SPAST: variants seen among roughly 807,000 people sequenced by gnomAD.
SPAST encodes spastic paraplegia 4 (autosomal dominant; spastin).
A neutral mutation model predicts 76.6 loss-of-function variants in SPAST; 30 were observed. The ratio of observed to expected loss-of-function variants is 0.39; its 90% CI spans 0.29 to 0.53. The LOEUF is 0.53. SPAST is among the 20% of genes least tolerant of loss of function. SPAST has a pLI of 0.68. For synonymous variants in SPAST, 305 were observed against 281.0 expected, an observed-to-expected ratio of 1.09 and a Z score of -0.86; for missense variants, 717 against 770.5, an observed-to-expected ratio of 0.93 and a Z score of 0.82.
At chr2:32,110,672 AT>A (rs1374939256) in intron 4 of SPAST, among the ~76,000 whole-genome samples, 1 of 138,774 alleles carries the variant, frequency 7.2e-6, no homozygotes, top group Admixed American at 7.6e-5. Context: ...TATATAGTAT[AT>A]ATAGTGTATA....
At chr2:32,118,982 T>A (rs1469425846) in intron 7 of SPAST, among the ~76,000 whole-genome samples, 1 of 152,162 alleles carries the variant, frequency 6.6e-6, no homozygotes, top group Non-Finnish European at 1.5e-5. Flanking sequence ...ATTAAGAAGC[T>A]ATAATAATGT....
chr2:32,069,095 C>A (rs1370715001), intron 1 of SPAST, among the ~76,000 whole-genome samples: 2 of 151,912 alleles, frequency 1.3e-5, no homozygotes, highest in African/African-American at 4.8e-5. Context: ...CGCCTGTAGT[C>A]CCGGGTACTT....
intron 4 of SPAST, among the ~76,000 whole-genome samples, chr2:32,107,003 G>T (rs1678349704): frequency 6.6e-6 from 1 of 151,680 alleles, no homozygotes; most frequent in Admixed American, 6.6e-5. Flanking sequence ...AAATTCTCCA[G>T]CCCTGAAGAG....
intron 1 of SPAST, among the ~76,000 whole-genome samples, chr2:32,065,391 T>A (rs1183268037): frequency 2.6e-5 from 4 of 151,978 alleles, no homozygotes; most frequent in South Asian, 4.1e-4. Context: ...TTTTTCTTTT[T>A]AAAAAAAATA....
At position 32,100,079 on chromosome 2, in the gene SPAST, A is replaced by G. The variant is rs182968026; in HGVS notation, c.682+1188A>G. Among the ~76,000 whole-genome samples the G allele has an allele frequency of 6.2e-3, 938 of 151,744 alleles. 6 individuals are homozygous for G. The highest frequency in any genetic ancestry group is 0.062 in the Middle Eastern group (18 of 292). On this transcript the variant is annotated intron_variant, in intron 4 of 16. Transcript: ENST00000315285. ...TAGTTCTGTTTGTAGTTTTTGAGGA[A>G]CCTCCATACTCTTCTCCATAGTAGC...
intron 9 of SPAST, among the ~76,000 whole-genome samples, chr2:32,134,555 C>T (rs1206700560): frequency 6.6e-6 from 1 of 152,002 alleles, no homozygotes; most frequent in Admixed American, 6.6e-5. Context: ...CCTCCCATTT[C>T]GGCCTCCCAA....
At chr2:32,112,691 T>C (rs1162775156) in intron 4 of SPAST, among the ~76,000 whole-genome samples, 1 of 152,128 alleles carries the variant, frequency 6.6e-6, no homozygotes, top group African/African-American at 2.4e-5. Context: ...TTATTTATAC[T>C]TCCTGATTTT....
intron 16 of SPAST, among the ~76,000 whole-genome samples, chr2:32,151,799 G>T (rs542458944): frequency 6.6e-6 from 1 of 151,946 alleles, no homozygotes; most frequent in East Asian, 1.9e-4. Flanking sequence ...AATCCCAGCT[G>T]CTCGGGAGGC....
At chr2:32,086,437 G>C (rs936497984) in intron 1 of SPAST, among the ~76,000 whole-genome samples, 2 of 151,090 alleles carry the variant, frequency 1.3e-5, no homozygotes, top group African/African-American at 2.4e-5. Flanking sequence ...CTGCACTCTA[G>C]TGTGGGTGAC....
chr2:32,150,239 ATT>A (rs11363493), intron 16 of SPAST, among the ~76,000 whole-genome samples: 701 of 66,588 alleles, frequency 0.011, 6 homozygotes, highest in African/African-American at 0.032. Flanking sequence ...CGCCCAGCTA[ATT>A]TTTTTTTTTT....
intron 4 of SPAST, among the ~76,000 whole-genome samples, chr2:32,107,274 T>A (rs1678360176): frequency 6.6e-6 from 1 of 151,924 alleles, no homozygotes; most frequent in Non-Finnish European, 1.5e-5. Context: ...CCTCTGTCAC[T>A]CAGGCTGGAG....
intron 4 of SPAST, 91 bp from the exon 5 acceptor site, chr2:32,114,546 AT>A (rs1678748486): frequency 1.0e-6 from 1 of 964,376 alleles, no homozygotes; most frequent in South Asian, 1.5e-5. Flanking sequence ...AATTAAAAAA[AT>A]ATATTATTAC....
intron 1 of SPAST, among the ~76,000 whole-genome samples, chr2:32,075,312 G>GC (rs1676907878): frequency 1.3e-5 from 2 of 150,442 alleles, no homozygotes; most frequent in African/African-American, 4.9e-5. Context: ...TGTAATCCCA[G>GC]CTATTTGGGA....
intron 7 of SPAST, among the ~76,000 whole-genome samples, chr2:32,121,731 A>G (rs1301540979): frequency 6.6e-6 from 1 of 150,558 alleles, no homozygotes; most frequent in Non-Finnish European, 1.5e-5. Flanking sequence ...TTTAGTAGAG[A>G]CGGAGTTTCA....
At chr2:32,064,493 C>T (rs554568561) in intron 1 of SPAST, among the ~76,000 whole-genome samples, 53 of 152,312 alleles carry the variant, frequency 3.5e-4, no homozygotes, top group African/African-American at 1.2e-3. Flanking sequence ...CACACTTCTG[C>T]ATGACCCAGG....
At chr2:32,078,999 G>A (rs11683931) in intron 1 of SPAST, among the ~76,000 whole-genome samples, 60,504 of 151,614 alleles carry the variant, frequency 0.4, 12,358 homozygotes, top group East Asian at 0.64. Flanking sequence ...CACCACGCCC[G>A]GCTAATTTTT....
Position 32,154,712 on chromosome 2 carries a change from G to A in SPAST, c.*216G>A. 3.7e-6 allele frequency: 2 copies of A among 543,852 alleles called. No homozygotes were observed. The highest frequency in any genetic ancestry group is 6.6e-5 in the East Asian group (2 of 30,262). The allele number at this position is 543,852 out of a possible 1,614,324, so 33.7% of individuals were successfully genotyped here. ...TTGTTGTTTAAGGCCTTGCCTTGAT[G>A]GTCACAGTTATCCCAATGGACACTA... On this transcript the variant is annotated 3_prime_UTR_variant, in exon 17 of 17. Coordinates refer to ENST00000315285, the MANE Select transcript of SPAST (RefSeq NM_014946.4).
intron 16 of SPAST, among the ~76,000 whole-genome samples, chr2:32,150,205 T>TG (rs1363449426): frequency 2.0e-5 from 3 of 149,568 alleles, no homozygotes; most frequent in Non-Finnish European, 3.0e-5. Flanking sequence ...CCCGAGTAGC[T>TG]GGGACTACAG....
At chr2:32,127,797 G>T (rs1679243390) in intron 8 of SPAST, 1 of 151,876 alleles carries the variant, frequency 6.6e-6, no homozygotes, top group Admixed American at 6.6e-5. Flanking sequence ...TCTCAAAGCA[G>T]TTATCTTTGT....
Sources: allele counts gnomAD v4.1 joint callset (sites outside exome capture counted in the v4.1 genomes callset), GRCh38; gene constraint gnomAD v4.1.1; transcripts MANE v1.5; gene names NCBI Gene and HGNC (gene_info 2026-07-23, HGNC 2026-07-21).